The following DMD variants were observed in gnomAD, a reference collection of about 807,000 sequenced individuals.
The protein encoded by DMD is dystrophin, also known as mutant dystrophin.
Under a neutral mutation model 330.1 loss-of-function variants are expected in DMD, and 63 were observed. The ratio of observed to expected loss-of-function variants is 0.19; its 90% CI spans 0.16 to 0.24. The LOEUF (loss-of-function observed/expected upper bound fraction) is 0.24, where lower values mean the gene tolerates loss of function less well. Ranked by LOEUF, DMD falls within the 10% of genes least tolerant of loss-of-function variation. The pLI, the probability that DMD is intolerant of heterozygous loss-of-function variation, is 1.00. For synonymous variants in DMD, 1,223 were observed against 959.8 expected (o/e 1.27, Z -5.07); for missense variants, 3,344 against 2,684.1 (o/e 1.25, Z -5.43).
At chrX:32,925,583 G>A (rs1023179721) in intron 2 of DMD, among the ~76,000 whole-genome samples, 2 of 111,202 alleles carry the variant, frequency 1.8e-5, no homozygotes, top group Non-Finnish European at 3.8e-5. Context: ...ACAGTAACAC[G>A]AATAAATATA....
At chrX:31,488,447 C>T (rs2068990884) in intron 57 of DMD, among the ~76,000 whole-genome samples, 1 of 110,502 alleles carries the variant, frequency 9.0e-6, no homozygotes, top group Non-Finnish European at 1.9e-5. Context: ...CTGAATCATA[C>T]CCTTTGTGTC....
intron 7 of DMD, among the ~76,000 whole-genome samples, chrX:32,780,265 G>A (rs1429681685): frequency 2.7e-5 from 3 of 112,115 alleles, no homozygotes; most frequent in Admixed American, 9.4e-5. Context: ...TACCATACAT[G>A]GAATTCTATA....
In DMD at chrX:32,823,315, T is replaced by G; in HGVS notation, c.337A>C (p.Asn113His). The stretch of plus-strand genomic sequence containing the variant: ...CTTACCTGCCAGTGGAGGATTATAT[T>G]CCAAATCAAACCAAGAGTCAGTTTA... ...NHKLTLGLIW[N>H]IILHWQVKNV... Residue 113 changes from asparagine to histidine, a missense_variant, in exon 5 of 79, where the codon AAT becomes CAT. By Grantham distance (68) the Asn-to-His change is moderately conservative. Transcript: ENST00000357033. 1 of 1,208,103 alleles carries G rather than the reference T, an allele frequency of 8.3e-7. No homozygotes were observed.
intron 57 of DMD, among the ~76,000 whole-genome samples, chrX:31,483,997 T>TA (rs201435557): frequency 0.017 from 1,913 of 109,640 alleles, 46 homozygotes; most frequent in African/African-American, 0.057. Flanking sequence ...CTTTATGTAG[T>TA]AAAAAAAAAG....
At chrX:32,601,770 A>G (rs1021544935) in intron 12 of DMD, among the ~76,000 whole-genome samples, 18 of 110,493 alleles carry the variant, frequency 1.6e-4, no homozygotes, top group Non-Finnish European at 3.0e-4. Flanking sequence ...CCTAATTTGT[A>G]AAACTAAGAT....
At chrX:31,316,117 T>C (rs2055988174) in intron 62 of DMD, among the ~76,000 whole-genome samples, 1 of 112,133 alleles carries the variant, frequency 8.9e-6, no homozygotes, top group African/African-American at 3.2e-5. Context: ...TTTTGGTATG[T>C]ACCATTCATA....
chrX:31,931,545 T>A (rs964311310), intron 46 of DMD, among the ~76,000 whole-genome samples: 5 of 110,793 alleles, frequency 4.5e-5, no homozygotes, highest in Non-Finnish European at 9.4e-5. Context: ...ATAATGCCTT[T>A]AAGTAGAGGC....
chrX:31,616,581 T>C (rs985833081), intron 55 of DMD, among the ~76,000 whole-genome samples: 1 of 112,255 alleles, frequency 8.9e-6, no homozygotes, highest in Non-Finnish European at 1.9e-5. Flanking sequence ...CAAATACTTA[T>C]TGAACACTTT....
chrX:32,380,515 C>G lies in DMD; in HGVS notation c.4840G>C (p.Gly1614Arg). 8.3e-7 allele frequency: 1 copy of G among 1,209,739 alleles called. No homozygotes were observed. The highest frequency in any genetic ancestry group is 1.1e-6 in the Non-Finnish European group (1 of 894,343). Reference protein sequence around the residue: ...PSNLDSEVAWGKATQKEIEKQ... With the variant: ...PSNLDSEVAWRKATQKEIEKQ... ...TTCAGTGATATAGGTTTTACCTTTC[C>G]CCAGGCAACTTCAGAATCCAAATTA... The change falls in exon 34 of 79, where the codon GGA (glycine) becomes CGA (arginine). Residue 1614 changes from glycine to arginine, a missense_variant. By Grantham distance (125) the Gly-to-Arg change is moderately radical. Transcript: ENST00000357033.
At chrX:33,019,751 T>C (rs1452799493) in intron 2 of DMD, among the ~76,000 whole-genome samples, 1 of 111,546 alleles carries the variant, frequency 9.0e-6, no homozygotes, top group Non-Finnish European at 1.9e-5. Flanking sequence ...ATTGCTTTTC[T>C]TGAACTTGGT....
intron 41 of DMD, among the ~76,000 whole-genome samples, chrX:32,339,829 A>G (rs2097732520): frequency 1.8e-5 from 2 of 112,372 alleles, no homozygotes; most frequent in Admixed American, 1.9e-4. Flanking sequence ...TATATCTAGA[A>G]AAACAAAAAG....
intron 54 of DMD, among the ~76,000 whole-genome samples, chrX:31,646,098 C>T (rs1038967556): frequency 2.7e-4 from 30 of 111,915 alleles, no homozygotes; most frequent in African/African-American, 9.1e-4. Context: ...TACAAGGCAG[C>T]CTGTTCCATC....
intron 60 of DMD, among the ~76,000 whole-genome samples, chrX:31,360,631 G>A (rs750895292): frequency 8.9e-6 from 1 of 112,312 alleles, no homozygotes; most frequent in Non-Finnish European, 1.9e-5. Flanking sequence ...ACTCAAGGAA[G>A]CCTCAGACTC....
chrX:32,912,804 C>T (rs1416562768), intron 2 of DMD, among the ~76,000 whole-genome samples: 1 of 110,940 alleles, frequency 9.0e-6, no homozygotes, highest in African/African-American at 3.3e-5. Context: ...AGTGGGGAAG[C>T]GATGGAATTG....
At chrX:32,654,375 G>T (rs2060402970) in intron 9 of DMD, among the ~76,000 whole-genome samples, 1 of 111,517 alleles carries the variant, frequency 9.0e-6, no homozygotes. Context: ...GTTGAATTTT[G>T]TCAAAGGCCT....
intron 18 of DMD, among the ~76,000 whole-genome samples, chrX:32,511,246 G>C (rs777891072): frequency 4.5e-5 from 5 of 110,300 alleles, no homozygotes; most frequent in Admixed American, 9.6e-5. Context: ...TAATTTGGCC[G>C]GGCGCAGGGG....
At chrX:32,114,216 A>T (rs1172978571) in intron 44 of DMD, among the ~76,000 whole-genome samples, 1 of 111,768 alleles carries the variant, frequency 8.9e-6, no homozygotes. Context: ...CTGAAAGCGT[A>T]CTTAATTGTT....
intron 42 of DMD, among the ~76,000 whole-genome samples, chrX:32,290,320 A>G (rs1242504769): frequency 8.9e-6 from 1 of 112,102 alleles, no homozygotes; most frequent in Non-Finnish European, 1.9e-5. Flanking sequence ...TATTACTAAC[A>G]TTAAAATATA....
At chrX:33,289,184 A>G (rs1224899261) in intron 1 of DMD, among the ~76,000 whole-genome samples, 1 of 111,632 alleles carries the variant, frequency 9.0e-6, no homozygotes, top group Admixed American at 9.5e-5. Flanking sequence ...AAATTTTCTG[A>G]GCCCTAGATG....
Sources: gnomAD v4.1 joint callset for allele counts (sites outside exome capture counted in the v4.1 genomes callset) on GRCh38, gnomAD v4.1.1 for gene constraint, MANE v1.5 for transcripts, NCBI Gene and HGNC (gene_info 2026-07-23, HGNC 2026-07-21) for gene names.